MYBL1: variants seen among roughly 807,000 people sequenced by gnomAD.
MYBL1 encodes MYB proto-oncogene like 1.
Under a neutral mutation model 96.3 loss-of-function variants are expected in MYBL1, and 17 were observed. The ratio of observed to expected loss-of-function variants is 0.18; its 90% CI spans 0.12 to 0.26. The LOEUF is 0.26. Among genes scored for constraint, MYBL1 ranks in the 10% least tolerant of loss-of-function variants. MYBL1 has a pLI of 1.00. For synonymous variants in MYBL1, 282 were observed against 292.7 expected, an observed-to-expected ratio of 0.96 and a Z score of 0.37; for missense variants, 701 against 882.9, an observed-to-expected ratio of 0.79 and a Z score of 2.61.
At chr8:66,587,587 C>T (rs879800104) in intron 8 of MYBL1, among the ~76,000 whole-genome samples, 2 of 152,134 alleles carry the variant, frequency 1.3e-5, no homozygotes, top group Non-Finnish European at 2.9e-5. Flanking sequence ...GAATGAGAAA[C>T]AACATGTAAA....
intron 3 of MYBL1, among the ~76,000 whole-genome samples, chr8:66,600,107 C>T (rs561626928): frequency 2.6e-5 from 4 of 152,268 alleles, no homozygotes; most frequent in East Asian, 3.9e-4. Context: ...AGAAATCCTA[C>T]GCAGTATCTG....
rs921483814 is a variant in MYBL1, at chr8:66,574,065, T to C, written c.1471-559A>G. On this transcript the variant is annotated intron_variant, in intron 10 of 15. Transcript: ENST00000522677. The stretch of plus-strand genomic sequence containing the variant: ...GTCAAAACTGGCATAACAGAGTCCA[T>C]TTTCTAAATTATATAATTTACAATT... Among the ~76,000 whole-genome samples, 6 of 152,278 alleles carry C rather than the reference T, an allele frequency of 3.9e-5. No homozygotes were observed. The South Asian group carries it at 1.0e-3, about 26-fold the overall frequency.
chr8:66,575,146 G>T (rs1429128682), intron 10 of MYBL1, among the ~76,000 whole-genome samples: 1 of 152,152 alleles, frequency 6.6e-6, no homozygotes, highest in Non-Finnish European at 1.5e-5. Flanking sequence ...ACTGTCCAGG[G>T]ATATTACAAG....
At chr8:66,602,221 T>C (rs773375528) in intron 2 of MYBL1, among the ~76,000 whole-genome samples, 197 bp downstream of exon 2, 4 of 152,032 alleles carry the variant, frequency 2.6e-5, no homozygotes, top group Non-Finnish European at 5.9e-5. Flanking sequence ...CAGGCTAATT[T>C]TTGTATTTTA....
Position 66,576,093 on chromosome 8 carries a change from C to T in MYBL1, c.1384G>A (p.Glu462Lys), listed in dbSNP as rs769649611. 2.5e-5 allele frequency: 41 copies of T among 1,613,810 alleles called. No homozygotes were observed. The highest frequency in any genetic ancestry group is 3.3e-5 in the Admixed American group (2 of 59,988). ...TCGTTCAATGAGCCATCCCTAAGTT[C>T]GCTGCCTGGGGAATGACCCACTCGC... Reference protein sequence around the residue: ...KMRVGHSPGSELRDGSLNDGG... With the variant: ...KMRVGHSPGSKLRDGSLNDGG... The change falls in exon 10 of 16, where the codon GAA (glutamate) becomes AAA (lysine). Residue 462 changes from glutamate to lysine, a missense_variant. Glu to Lys is a moderately conservative substitution (Grantham distance 56). Coordinates refer to ENST00000522677, the MANE Select transcript of MYBL1 (RefSeq NM_001080416.4).
In MYBL1 at chr8:66,566,900, A is replaced by G; in HGVS notation, c.1821T>C (p.Pro607=). ...CCTCTTGTTTGCAGCTTTTGTAAGC[A>G]GGTTCATCTTCCTCTTTGAGGAATA... ...TDLFLKEEDE[P]AYKSCKQENT... The change falls in exon 13 of 16, where the codon CCT becomes CCC. Residue 607 remains proline (P), a synonymous_variant. Transcript: ENST00000522677. The G allele has an allele frequency of 6.2e-7, 1 of 1,612,434 alleles. No individual in the cohort carries two copies.
intron 6 of MYBL1, 63 bp downstream of exon 6, chr8:66,595,520 A>G (rs543586242): frequency 9.3e-7 from 1 of 1,070,418 alleles, no homozygotes; most frequent in African/African-American, 1.7e-5. Flanking sequence ...AAGAAACCAA[A>G]CATCTTCCCA....
At chr8:66,601,865 G>A (rs1810087216) in intron 2 of MYBL1, 96 bp from the exon 3 acceptor site, 1 of 559,424 alleles carries the variant, frequency 1.8e-6, no homozygotes, top group Non-Finnish European at 3.1e-6. Context: ...AGGAATATCT[G>A]GTAACCATAG....
At chr8:66,580,412 T>TA (rs1319048591) in intron 8 of MYBL1, 46 bp from the exon 9 acceptor site, 14 of 1,271,842 alleles carry the variant, frequency 1.1e-5, no homozygotes, top group East Asian at 2.5e-5. Flanking sequence ...ATTCTCAATG[T>TA]AGGCATAAAT....
intron 1 of MYBL1, among the ~76,000 whole-genome samples, chr8:66,611,633 G>C (rs146878368): frequency 1.3e-5 from 2 of 152,074 alleles, no homozygotes; most frequent in Admixed American, 6.5e-5. Flanking sequence ...GTTTTAGAGG[G>C]GTCTGTGTAC....
At chr8:66,585,153 C>A (rs1218192638) in intron 8 of MYBL1, among the ~76,000 whole-genome samples, 1 of 152,086 alleles carries the variant, frequency 6.6e-6, no homozygotes, top group Non-Finnish European at 1.5e-5. Context: ...TCCAAATATT[C>A]TATATAGAGC....
chr8:66,605,672 G>A (rs141456984), intron 1 of MYBL1, among the ~76,000 whole-genome samples: 1,663 of 151,944 alleles, frequency 0.011, 13 homozygotes, highest in Non-Finnish European at 0.016. Flanking sequence ...AAAAATTAGC[G>A]GAGCATGATG....
At chr8:66,591,834 AAT>A (rs1287729871) in intron 8 of MYBL1, among the ~76,000 whole-genome samples, 2 of 152,074 alleles carry the variant, frequency 1.3e-5, no homozygotes, top group African/African-American at 4.8e-5. Context: ...AATTTTCACA[AAT>A]ATATATGTGT....
In MYBL1 at chr8:66,572,525, G is replaced by A. The variant is rs770108773; in HGVS notation, c.1685C>T (p.Ala562Val). The stretch of plus-strand genomic sequence containing the variant: ...ATATTTTTTCTCCTGAGCAGCAAGC[G>A]CATTCTTAAAAGGAGTAGGAGTTCT... ...TPRTPTPFKN[A>V]LAAQEKKYGP... Residue 562 changes from alanine (A) to valine (V), a missense_variant, in exon 12 of 16, where the codon GCG (alanine) becomes GTG (valine). Coordinates refer to ENST00000522677, the MANE Select transcript of MYBL1 (RefSeq NM_001080416.4). The A allele has an allele frequency of 1.7e-5, 28 of 1,601,770 alleles. No individual in the cohort carries two copies. Among genetic ancestry groups the A allele is most frequent in the Non-Finnish European group, 2.2e-5 (26 of 1,172,158 alleles).
chr8:66,566,081 A>G lies in MYBL1; in HGVS notation c.2113T>C (p.Leu705=), dbSNP rs1450716001. The change falls in exon 15 of 16, where the codon TTG becomes CTG. Residue 705 remains leucine (L), a synonymous_variant. Transcript: ENST00000522677. ...PNPNTSKVVK[L]EKNLQSNCEW... The stretch of plus-strand genomic sequence containing the variant: ...ATCCATACCTGAAGATTCTTTTCCA[A>G]TTTGACAACTTTGGAAGTGTTAGGG... 2.0e-6 allele frequency: 3 copies of G among 1,530,050 alleles called. No homozygotes were observed. Among genetic ancestry groups the G allele is most frequent in the Non-Finnish European group, 2.6e-6 (3 of 1,137,136 alleles). The allele number at this position is 1,530,050 out of a possible 1,614,324, so 94.8% of individuals were successfully genotyped here.
At chr8:66,611,411 G>A (rs1810521995) in intron 1 of MYBL1, among the ~76,000 whole-genome samples, 1 of 151,998 alleles carries the variant, frequency 6.6e-6, no homozygotes, top group East Asian at 1.9e-4. Flanking sequence ...ATGTTAATTG[G>A]GTCCTTGAAG....
At chr8:66,579,035 A>G (rs1468810019) in intron 9 of MYBL1, among the ~76,000 whole-genome samples, 1 of 152,020 alleles carries the variant, frequency 6.6e-6, no homozygotes, top group African/African-American at 2.4e-5. Context: ...AACAATGAGA[A>G]CATATGGACA....
chr8:66,580,985 C>T (rs1809188061), intron 8 of MYBL1, among the ~76,000 whole-genome samples: 1 of 151,806 alleles, frequency 6.6e-6, no homozygotes, highest in South Asian at 2.1e-4. Flanking sequence ...CTCAGCCTCC[C>T]GGGTAGCTGG....
rs186098025 is a variant in MYBL1, at chr8:66,610,484, A to T, written c.20+2335T>A. 1.5e-4 allele frequency among the ~76,000 whole-genome samples: 23 copies of T among 152,070 alleles called. No homozygotes were observed. The East Asian group carries it at 4.2e-3, about 28-fold the overall frequency. On this transcript the variant is annotated intron_variant, in intron 1 of 15. Coordinates refer to ENST00000522677, the MANE Select transcript of MYBL1 (RefSeq NM_001080416.4). ...ATGCTCTTAGGCAAAACTTTTATAC[A>T]GCAAAGTATAGTTTTCACTTGAACG...
Sources: gnomAD v4.1 joint callset for allele counts (sites outside exome capture counted in the v4.1 genomes callset) on GRCh38, gnomAD v4.1.1 for gene constraint, MANE v1.5 for transcripts, NCBI Gene and HGNC (gene_info 2026-07-23, HGNC 2026-07-21) for gene names.